The following AGBL1 variants were observed in gnomAD, a reference collection of about 807,000 sequenced individuals.
AGBL1 encodes AGBL carboxypeptidase 1.
Under a neutral mutation model 118.9 loss-of-function variants are expected in AGBL1, and 130 were observed. That is an observed-to-expected ratio of 1.09 (90% CI 0.95 to 1.26). The LOEUF (loss-of-function observed/expected upper bound fraction) is 1.26, where lower values mean the gene tolerates loss of function less well. Ranked by LOEUF, AGBL1 falls within the 50% of genes most tolerant of loss-of-function variation. The pLI is 0.00. For synonymous variants in AGBL1, 555 were observed against 478.9 expected (o/e 1.16, Z -2.08); for missense variants, 1,584 against 1,298.1 (o/e 1.22, Z -3.38).
In AGBL1 at chr15:86,554,543, T is replaced by A. The variant is rs201078737; in HGVS notation, c.2994+6T>A. The A allele has an allele frequency of 1.3e-6, 2 of 1,493,150 alleles. No individual in the cohort carries two copies. The highest frequency in any genetic ancestry group is 2.5e-5 in the East Asian group (1 of 39,560). The allele number at this position is 1,493,150 out of a possible 1,614,324, so 92.5% of individuals were successfully genotyped here. On this transcript the variant is annotated splice_donor_region_variant and intron_variant, in intron 21 of 22. Coordinates refer to ENST00000614907, the MANE Select transcript of AGBL1 (RefSeq NM_001386094.1). The stretch of plus-strand genomic sequence containing the variant: ...GCAACCAGGGCCCTTATCAGGTATG[T>A]GAGGCTGCAGGACACCCATACTTTC...
Position 86,743,638 on chromosome 15 carries a change from A to T in AGBL1, c.3158+69202A>T, listed in dbSNP as rs546244217. 2.6e-5 allele frequency among the ~76,000 whole-genome samples: 4 copies of T among 152,214 alleles called. No homozygotes were observed. The South Asian group carries it at 8.3e-4, about 32-fold the overall frequency. ...GCAGATTCCCAGGTTTCACTTTCCA[A>T]ATGGCTGGTTCTGGAGGGCTAATGT... On this transcript the variant is annotated intron_variant, in intron 22 of 22. Transcript: ENST00000614907.
At chr15:86,574,234 G>A (rs2084050704) in intron 21 of AGBL1, among the ~76,000 whole-genome samples, 1 of 152,172 alleles carries the variant, frequency 6.6e-6, no homozygotes, top group East Asian at 1.9e-4. Flanking sequence ...CTACCTTCCT[G>A]TTTCCTGTTA....
At chr15:86,513,541 G>A (rs2142182715) in intron 18 of AGBL1, among the ~76,000 whole-genome samples, 1 of 152,076 alleles carries the variant, frequency 6.6e-6, no homozygotes, top group Middle Eastern at 3.4e-3. Flanking sequence ...AGTGTCTTGT[G>A]GGGAGATACT....
chr15:86,563,164 G>A (rs2083853931), intron 21 of AGBL1, among the ~76,000 whole-genome samples: 1 of 152,064 alleles, frequency 6.6e-6, no homozygotes, highest in Non-Finnish European at 1.5e-5. Flanking sequence ...TCTGATCTTA[G>A]TTATTTCTTG....
chr15:86,552,607 T>G (rs979637036), intron 20 of AGBL1, among the ~76,000 whole-genome samples: 1 of 152,224 alleles, frequency 6.6e-6, no homozygotes, highest in East Asian at 1.9e-4. Flanking sequence ...GCTCGATGTG[T>G]AGGGATTTTC....
chr15:86,198,455 A>T (rs76825572), intron 5 of AGBL1, among the ~76,000 whole-genome samples: 1,871 of 152,276 alleles, frequency 0.012, 22 homozygotes, highest in East Asian at 0.059. Flanking sequence ...GTACTTTGCA[A>T]GAGAGAAAGA....
chr15:86,589,014 CAT>C (rs201819932), intron 21 of AGBL1, among the ~76,000 whole-genome samples: 2,419 of 150,648 alleles, frequency 0.016, 60 homozygotes, highest in African/African-American at 0.051. Flanking sequence ...TCAGAATCTT[CAT>C]ATATATATAT....
intron 16 of AGBL1, among the ~76,000 whole-genome samples, chr15:86,280,241 G>A (rs536045310): frequency 5.3e-5 from 8 of 152,264 alleles, no homozygotes; most frequent in East Asian, 1.9e-4. Flanking sequence ...AAGTAGCCAC[G>A]CCAGCATCTC....
chr15:86,720,647 T>C (rs1470901096), intron 22 of AGBL1, among the ~76,000 whole-genome samples: 1 of 152,026 alleles, frequency 6.6e-6, no homozygotes, highest in African/African-American at 2.4e-5. Context: ...ACAAGTATGA[T>C]AGAAAGAATG....
At chr15:86,388,064 T>A (rs1006163987) in intron 17 of AGBL1, among the ~76,000 whole-genome samples, 1 of 152,166 alleles carries the variant, frequency 6.6e-6, no homozygotes, top group South Asian at 2.1e-4. Context: ...CTGGTCAGTT[T>A]ATTATTCCAG....
intron 23 of AGBL1, among the ~76,000 whole-genome samples, chr15:86,944,015 A>G (rs1379240762): frequency 1.3e-5 from 2 of 152,162 alleles, no homozygotes; most frequent in African/African-American, 2.4e-5. Context: ...TGCTGTGTCA[A>G]AAAAGTATGC....
intron 5 of AGBL1, among the ~76,000 whole-genome samples, chr15:86,186,734 G>C (rs773191689): frequency 6.6e-6 from 1 of 152,222 alleles, no homozygotes; most frequent in African/African-American, 2.4e-5. Context: ...TGGAGCATCA[G>C]TTAGCAACCC....
intron 5 of AGBL1, among the ~76,000 whole-genome samples, chr15:86,218,955 A>G (rs967266811): frequency 6.6e-6 from 1 of 152,224 alleles, no homozygotes; most frequent in South Asian, 2.1e-4. Flanking sequence ...CCTGCCCCAT[A>G]TAAACTGTGA....
intron 22 of AGBL1, among the ~76,000 whole-genome samples, chr15:86,683,475 A>C (rs945402073): frequency 3.3e-5 from 5 of 152,132 alleles, no homozygotes; most frequent in Admixed American, 6.5e-5. Flanking sequence ...ACAACCATGA[A>C]AGTTAACCTA....
At chr15:86,128,588 G>A (rs550308892) in intron 1 of AGBL1, among the ~76,000 whole-genome samples, 5 of 152,304 alleles carry the variant, frequency 3.3e-5, no homozygotes, top group African/African-American at 9.6e-5. Flanking sequence ...ACCTCGCATG[G>A]TGACACCTCG....
At chr15:87,005,469 C>T (rs2081488554) in intron 24 of AGBL1, among the ~76,000 whole-genome samples, 1 of 152,130 alleles carries the variant, frequency 6.6e-6, no homozygotes, top group Admixed American at 6.5e-5. Flanking sequence ...CCCTTTCTTC[C>T]AGTTGATCGA....
At chr15:86,668,719 G>A (rs2085689735) in intron 21 of AGBL1, among the ~76,000 whole-genome samples, 1 of 152,118 alleles carries the variant, frequency 6.6e-6, no homozygotes, top group South Asian at 2.1e-4. Context: ...CAAAGACAGA[G>A]GCCCATGCAA....
intron 3 of AGBL1, among the ~76,000 whole-genome samples, chr15:86,154,081 TATATTA>T: frequency 6.6e-6 from 1 of 152,152 alleles, no homozygotes; most frequent in Non-Finnish European, 1.5e-5. Flanking sequence ...TATTAAGAAT[TATATTA>T]ATATTAAGAA....
At chr15:86,474,561 T>A (rs1244678582) in intron 18 of AGBL1, among the ~76,000 whole-genome samples, 1 of 152,108 alleles carries the variant, frequency 6.6e-6, no homozygotes, top group African/African-American at 2.4e-5. Flanking sequence ...CTTGAGTAGG[T>A]AAACAAAGCT....
Sources: gnomAD v4.1 joint callset for allele counts (sites outside exome capture counted in the v4.1 genomes callset) on GRCh38, gnomAD v4.1.1 for gene constraint, MANE v1.5 for transcripts, NCBI Gene and HGNC (gene_info 2026-07-23, HGNC 2026-07-21) for gene names.